The following MAD1L1 variants were observed in gnomAD, a reference collection of about 807,000 sequenced individuals.
MAD1L1 encodes the protein mitotic arrest deficient 1 like 1, also known as mitotic spindle assembly checkpoint protein MAD1.
Under a neutral mutation model 96.9 loss-of-function variants are expected in MAD1L1, and 95 were observed. The observed-to-expected ratio is 0.98, with a 90% CI of 0.83 to 1.16. The LOEUF is 1.16. Among genes scored for constraint, MAD1L1 ranks in the 50% most tolerant of loss-of-function variants. The pLI is 0.00. For synonymous variants in MAD1L1, 473 were observed against 396.6 expected (o/e 1.19, Z -2.29); for missense variants, 1,007 against 954.4 (o/e 1.06, Z -0.73).
chr7:1,818,328 C>T (rs544184459), intron 18 of MAD1L1, among the ~76,000 whole-genome samples: 1 of 152,242 alleles, frequency 6.6e-6, no homozygotes, highest in East Asian at 1.9e-4. Context: ...TTTCCAGGCA[C>T]CCGCCTTCCC....
intron 11 of MAD1L1, among the ~76,000 whole-genome samples, chr7:2,081,967 G>A (rs1022515315): frequency 5.9e-5 from 9 of 152,214 alleles, no homozygotes; most frequent in African/African-American, 2.2e-4. Context: ...CAGGGACAGA[G>A]GAAAATCTGA....
intron 11 of MAD1L1, among the ~76,000 whole-genome samples, chr7:2,078,731 C>T (rs982052686): frequency 6.6e-6 from 1 of 152,228 alleles, no homozygotes; most frequent in African/African-American, 2.4e-5. Flanking sequence ...AGCGCCACCC[C>T]CACCCCACAT....
intron 11 of MAD1L1, among the ~76,000 whole-genome samples, chr7:2,144,013 G>C (rs1789170454): frequency 6.6e-6 from 1 of 152,216 alleles, no homozygotes; most frequent in Non-Finnish European, 1.5e-5. Context: ...CAGGGTCTCT[G>C]CTGAGGCAGA....
chr7:1,889,908 C>G (rs1037178014), intron 18 of MAD1L1, among the ~76,000 whole-genome samples: 2 of 152,218 alleles, frequency 1.3e-5, no homozygotes, highest in Non-Finnish European at 2.9e-5. Context: ...TGCCACAGCT[C>G]GTCAGGGGCC....
intron 3 of MAD1L1, among the ~76,000 whole-genome samples, chr7:2,228,043 G>T (rs937280556): frequency 1.3e-5 from 2 of 152,056 alleles, no homozygotes; most frequent in East Asian, 3.9e-4. Context: ...GAACCACGAC[G>T]AAGTCCAGGA....
chr7:2,104,365 G>A (rs146949455), intron 11 of MAD1L1, among the ~76,000 whole-genome samples: 18 of 152,232 alleles, frequency 1.2e-4, no homozygotes, highest in Admixed American at 7.8e-4. Flanking sequence ...AAGGAGAGCC[G>A]TCACGGCGGC....
intron 11 of MAD1L1, among the ~76,000 whole-genome samples, chr7:2,117,263 C>T (rs1021965056): frequency 5.3e-5 from 8 of 152,230 alleles, no homozygotes; most frequent in Middle Eastern, 3.2e-3. Context: ...CCAAGGGCAC[C>T]TTCCCAAGCC....
At chr7:1,962,833 G>A (rs1780007032) in intron 15 of MAD1L1, among the ~76,000 whole-genome samples, 1 of 152,224 alleles carries the variant, frequency 6.6e-6, no homozygotes, top group African/African-American at 2.4e-5. Context: ...TGTAGTCCCA[G>A]CTACTCAGGA....
At chr7:2,170,819 G>A (rs974880809) in intron 10 of MAD1L1, among the ~76,000 whole-genome samples, 8 of 152,176 alleles carry the variant, frequency 5.3e-5, no homozygotes, top group South Asian at 2.1e-4. Flanking sequence ...AGGGAAAGTC[G>A]GGGCGTCAGA....
chr7:2,015,282 G>A (rs1782486201), intron 12 of MAD1L1, among the ~76,000 whole-genome samples: 1 of 152,194 alleles, frequency 6.6e-6, no homozygotes, highest in Admixed American at 6.5e-5. Flanking sequence ...CTGGGCTGGG[G>A]AGCTCCTTGT....
At chr7:1,880,958 C>T (rs1785648267) in intron 18 of MAD1L1, among the ~76,000 whole-genome samples, 1 of 152,244 alleles carries the variant, frequency 6.6e-6, no homozygotes, top group African/African-American at 2.4e-5. Flanking sequence ...CAGAGCTGAG[C>T]TGACAGAGGG....
At chr7:2,141,192 A>G (rs1367065216) in intron 11 of MAD1L1, among the ~76,000 whole-genome samples, 1 of 152,212 alleles carries the variant, frequency 6.6e-6, no homozygotes, top group Non-Finnish European at 1.5e-5. Context: ...CACCTAGAGC[A>G]GGGCCAGCCT....
chr7:2,214,864 C>G (rs766031817), intron 9 of MAD1L1, among the ~76,000 whole-genome samples: 25 of 152,190 alleles, frequency 1.6e-4, no homozygotes, highest in African/African-American at 5.8e-4. Context: ...CAGTGCCACA[C>G]GCATTCTGAC....
chr7:2,113,567 G>A (rs113147711), intron 11 of MAD1L1, among the ~76,000 whole-genome samples: 8,033 of 152,142 alleles, frequency 0.053, 372 homozygotes, highest in Non-Finnish European at 0.071. Flanking sequence ...GCAACAGAGC[G>A]AGACTCTATC....
chr7:2,111,268 G>A (rs747726141), intron 11 of MAD1L1, among the ~76,000 whole-genome samples: 1 of 152,196 alleles, frequency 6.6e-6, no homozygotes, highest in Non-Finnish European at 1.5e-5. Flanking sequence ...CCAGGCCTCA[G>A]AGCCCGCAGG....
intron 18 of MAD1L1, among the ~76,000 whole-genome samples, chr7:1,842,664 C>T (rs1328746356): frequency 6.6e-6 from 1 of 152,376 alleles, no homozygotes; most frequent in East Asian, 1.9e-4. Context: ...CATCGCTGGG[C>T]CCATCATTTA....
chr7:1,925,040 G>A (rs543621078), intron 17 of MAD1L1, among the ~76,000 whole-genome samples: 4 of 152,078 alleles, frequency 2.6e-5, no homozygotes, highest in South Asian at 2.1e-4. Context: ...AAGAGAAAAC[G>A]GGAATAAAAA....
At chr7:2,112,474 G>A (rs1787432109) in intron 11 of MAD1L1, among the ~76,000 whole-genome samples, 1 of 152,230 alleles carries the variant, frequency 6.6e-6, no homozygotes, top group South Asian at 2.1e-4. Context: ...GGACAGAACG[G>A]CCTGTCCACA....
chr7:1,957,455 G>A (rs1028773338), intron 16 of MAD1L1, among the ~76,000 whole-genome samples, 174 bp downstream of exon 16: 5 of 152,260 alleles, frequency 3.3e-5, no homozygotes, highest in Admixed American at 6.5e-5. Context: ...GTGCAGGCCT[G>A]TCAGCGGCAT....
Sources: gnomAD v4.1 joint callset for allele counts (sites outside exome capture counted in the v4.1 genomes callset) on GRCh38, gnomAD v4.1.1 for gene constraint, MANE v1.5 for transcripts, NCBI Gene and HGNC (gene_info 2026-07-23, HGNC 2026-07-21) for gene names.